RXFP1: variants seen among roughly 807,000 people sequenced by gnomAD.
RXFP1 encodes relaxin receptor 1.
In RXFP1, 73 loss-of-function variants were observed where a neutral mutation model predicts 89.8. The observed-to-expected ratio is 0.81, with a 90% CI of 0.67 to 0.99. RXFP1 has a LOEUF of 0.99. RXFP1 is among the 50% of genes least tolerant of loss of function. The pLI, the probability that RXFP1 is intolerant of heterozygous loss-of-function variation, is 0.00. For synonymous variants in RXFP1, 277 were observed against 305.5 expected (o/e 0.91, Z 0.97); for missense variants, 793 against 895.5 (o/e 0.89, Z 1.46).
intron 10 of RXFP1, 100 bp from the exon 11 acceptor site, chr4:158,628,538 T>C: frequency 4.0e-6 from 2 of 499,532 alleles, no homozygotes; most frequent in Admixed American, 3.9e-5. Flanking sequence ...AAAAATGTAC[T>C]GTATATTCAT....
chr4:158,592,029 C>T (rs1235233023), intron 2 of RXFP1, among the ~76,000 whole-genome samples: 1 of 152,156 alleles, frequency 6.6e-6, no homozygotes, highest in East Asian at 1.9e-4. Context: ...TGCTTGACTG[C>T]ACTGTCTCTT....
At position 158,652,200 on chromosome 4, in the gene RXFP1, G is replaced by C. The variant is rs1772874684; in HGVS notation, c.*145G>C. ...CAAGGACATGAGGAAAAATAAAAATGACTAATGCTCTTACAAAGGGAAGTA... is the reference window on the plus strand; with the variant it reads ...CAAGGACATGAGGAAAAATAAAAATCACTAATGCTCTTACAAAGGGAAGTA... On this transcript the variant is annotated 3_prime_UTR_variant, in exon 18 of 18. Transcript: ENST00000307765. The C allele has an allele frequency of 1.6e-6, 1 of 621,292 alleles. No homozygotes were observed. Among genetic ancestry groups the C allele is most frequent in the African/African-American group, 1.9e-5 (1 of 54,038 alleles). 38.5% of individuals were successfully genotyped at this position (621,292 alleles called of 1,614,324 possible). A position where few individuals can be genotyped will look rare whatever the true frequency, so the allele number is the denominator to read the frequency against.
chr4:158,621,514 C>T (rs1765629358), intron 9 of RXFP1, among the ~76,000 whole-genome samples: 1 of 151,950 alleles, frequency 6.6e-6, no homozygotes, highest in African/African-American at 2.4e-5. Context: ...AGTAAAGTTA[C>T]AAAGATTGCC....
chr4:158,630,488 T>A (rs993737869), intron 11 of RXFP1, among the ~76,000 whole-genome samples: 1 of 152,180 alleles, frequency 6.6e-6, no homozygotes, highest in Non-Finnish European at 1.5e-5. Flanking sequence ...AAATCATACC[T>A]GAATATCAAG....
At chr4:158,645,292 A>G (rs1002162983) in intron 15 of RXFP1, among the ~76,000 whole-genome samples, 154 bp downstream of exon 15, 8 of 152,264 alleles carry the variant, frequency 5.3e-5, no homozygotes, top group African/African-American at 1.7e-4. Flanking sequence ...CAAAGAAAAT[A>G]GAATTACTTT....
intron 1 of RXFP1, among the ~76,000 whole-genome samples, chr4:158,533,471 CT>C (rs1218365002): frequency 1.3e-5 from 2 of 152,136 alleles, no homozygotes; most frequent in Non-Finnish European, 2.9e-5. Flanking sequence ...AAGAGATGCA[CT>C]TTTTATTTGC....
At chr4:158,637,362 A>G (rs1419692269) in intron 12 of RXFP1, among the ~76,000 whole-genome samples, 2 of 152,172 alleles carry the variant, frequency 1.3e-5, no homozygotes. Flanking sequence ...TCCCATCACC[A>G]GTATGCAAGG....
intron 6 of RXFP1, among the ~76,000 whole-genome samples, chr4:158,609,441 T>C (rs1432324012): frequency 6.6e-6 from 1 of 152,220 alleles, no homozygotes; most frequent in Admixed American, 6.5e-5. Flanking sequence ...TTCCGTTTTA[T>C]TGAGTTCTGC....
chr4:158,631,254 G>T (rs1356730189), intron 11 of RXFP1, among the ~76,000 whole-genome samples: 1 of 152,174 alleles, frequency 6.6e-6, no homozygotes, highest in Non-Finnish European at 1.5e-5. Flanking sequence ...AAATCCATTT[G>T]CACATTGCTT....
intron 1 of RXFP1, among the ~76,000 whole-genome samples, chr4:158,525,868 A>G (rs1006580013): frequency 3.9e-5 from 6 of 152,254 alleles, no homozygotes; most frequent in African/African-American, 1.2e-4. Flanking sequence ...ATCCAAGTCT[A>G]TCTCCTTAAA....
intron 2 of RXFP1, among the ~76,000 whole-genome samples, chr4:158,591,460 C>T (rs1293507137): frequency 6.6e-6 from 1 of 151,836 alleles, no homozygotes; most frequent in East Asian, 1.9e-4. Context: ...TTCTAGAGTC[C>T]CATACAGAAG....
At chr4:158,606,503 T>G (rs1762555124) in intron 5 of RXFP1, among the ~76,000 whole-genome samples, 1 of 152,150 alleles carries the variant, frequency 6.6e-6, no homozygotes, top group Non-Finnish European at 1.5e-5. Context: ...ACACTAGAAA[T>G]AAACAAACAA....
intron 1 of RXFP1, among the ~76,000 whole-genome samples, chr4:158,560,850 C>T (rs1406041664): frequency 2.0e-5 from 3 of 152,156 alleles, no homozygotes; most frequent in Non-Finnish European, 2.9e-5. Flanking sequence ...TCTCACTGGT[C>T]GGAACTGTGC....
At chr4:158,554,964 A>T (rs1750975773) in intron 1 of RXFP1, among the ~76,000 whole-genome samples, 1 of 152,160 alleles carries the variant, frequency 6.6e-6, no homozygotes, top group Non-Finnish European at 1.5e-5. Flanking sequence ...ACAATACTTT[A>T]AAAAAATAAA....
chr4:158,625,733 A>G (rs540524135), intron 9 of RXFP1, among the ~76,000 whole-genome samples: 42 of 152,166 alleles, frequency 2.8e-4, no homozygotes, highest in South Asian at 2.1e-3. Context: ...AATACTTTCC[A>G]TGTTTCCTTT....
At chr4:158,524,298 T>C (rs1741926639) in intron 1 of RXFP1, among the ~76,000 whole-genome samples, 1 of 152,222 alleles carries the variant, frequency 6.6e-6, no homozygotes, top group African/African-American at 2.4e-5. Flanking sequence ...TGTGTATAAA[T>C]GGGCTTTGAA....
intron 2 of RXFP1, among the ~76,000 whole-genome samples, chr4:158,576,614 C>A (rs534545960): frequency 1.1e-4 from 17 of 152,122 alleles, no homozygotes; most frequent in African/African-American, 3.9e-4. Context: ...GTAGCAACAG[C>A]AGAGATACAT....
intron 1 of RXFP1, among the ~76,000 whole-genome samples, chr4:158,569,336 A>T (rs1314032613): frequency 5.9e-5 from 9 of 152,208 alleles, no homozygotes; most frequent in African/African-American, 1.9e-4. Flanking sequence ...TCTGTATTAT[A>T]CTATAATGGT....
intron 1 of RXFP1, among the ~76,000 whole-genome samples, chr4:158,535,567 A>G (rs1579394310): frequency 6.6e-6 from 1 of 152,354 alleles, no homozygotes; most frequent in African/African-American, 2.4e-5. Flanking sequence ...AGCAATCCTT[A>G]GAGAGGGCAT....
Sources: gnomAD v4.1 joint callset for allele counts (sites outside exome capture counted in the v4.1 genomes callset) on GRCh38, gnomAD v4.1.1 for gene constraint, MANE v1.5 for transcripts, NCBI Gene and HGNC (gene_info 2026-07-23, HGNC 2026-07-21) for gene names.